The following NLRP13 variants were observed in gnomAD, a reference collection of about 807,000 sequenced individuals.
NLRP13 encodes NACHT, LRR and PYD domains-containing protein 13.
Under a neutral mutation model 94.4 loss-of-function variants are expected in NLRP13, and 82 were observed. The observed-to-expected ratio is 0.87, with a 90% CI of 0.73 to 1.04. The LOEUF (loss-of-function observed/expected upper bound fraction) is 1.04, where lower values mean the gene tolerates loss of function less well. Ranked by LOEUF, NLRP13 falls within the 50% of genes least tolerant of loss-of-function variation. NLRP13 has a pLI of 0.00. For missense variants in NLRP13, 1,426 were observed against 1,230.8 expected (o/e 1.16, Z -2.37); for synonymous variants, 553 against 464.7 (o/e 1.19, Z -2.45).
chr19:55,923,487 C>T (rs1211112548), intron 4 of NLRP13, among the ~76,000 whole-genome samples: 12 of 152,132 alleles, frequency 7.9e-5, no homozygotes, highest in South Asian at 4.1e-4. Flanking sequence ...TCATCACCCA[C>T]GCGCAGGAGT....
intron 1 of NLRP13, among the ~76,000 whole-genome samples, chr19:55,930,102 C>G (rs531554612): frequency 8.0e-4 from 121 of 152,186 alleles, no homozygotes; most frequent in Non-Finnish European, 1.3e-3. Context: ...CTCCGCATGC[C>G]CCGTGTCCAG....
At chr19:55,893,289 G>A (rs1221353235), downstream of NLRP13, among the ~76,000 whole-genome samples, 1 of 152,104 alleles carries the variant, frequency 6.6e-6, no homozygotes, top group Non-Finnish European at 1.5e-5. Flanking sequence ...TCGGGAGGCT[G>A]AGGCAAGAGA....
At chr19:55,895,898 C>A, downstream of NLRP13, 1 of 1,586,700 alleles carries the variant, frequency 6.3e-7, no homozygotes. Context: ...CCTAGTCAAT[C>A]TAGCCTTGTC....
Position 55,898,827 on chromosome 19 carries a change from TC to T in NLRP13, c.2899del (p.Asp967MetfsTer3). 6.2e-7 allele frequency: 1 copy of T among 1,614,000 alleles called. No homozygotes were observed. Among genetic ancestry groups the T allele is most frequent in the Non-Finnish European group, 8.5e-7 (1 of 1,179,936 alleles). On this transcript the variant is annotated frameshift_variant, in exon 10 of 11. Transcript: ENST00000342929. LOFTEE classifies it high-confidence loss of function. ...LDLGENDLQDDGVKLLCEALK... is the reference protein window; with the variant it reads ...LDLGENDLQDXGVKLLCEALK... ...AGCCTCACACAGTAGCTTCACTCCA[TC>T]ATCCTGAAGATCATTTTCTCCCAAA...
At position 55,932,225 on chromosome 19, in the gene NLRP13, C is replaced by T; in HGVS notation, c.87G>A (p.Leu29=). 1 of 1,613,738 alleles carries T rather than the reference C, an allele frequency of 6.2e-7. No individual in the cohort carries two copies. Reference sequence around the variant, plus strand: ...GTTCCAAGCAAAGCTTGAATTCCTCCAGCTGATACTGATCCAGGGCCATCA... The same window carrying T: ...GTTCCAAGCAAAGCTTGAATTCCTCTAGCTGATACTGATCCAGGGCCATCA... ...PYLMALDQYQ[L]EEFKLCLEPQ... is the part of the protein sequence containing the mutation. The change falls in exon 1 of 11, where the codon CTG becomes CTA. Residue 29 remains leucine (L), a synonymous_variant. Coordinates refer to ENST00000342929, the MANE Select transcript of NLRP13 (RefSeq NM_176810.2).
At chr19:55,906,836 G>A (rs1986368224) in intron 7 of NLRP13, among the ~76,000 whole-genome samples, 2 of 152,148 alleles carry the variant, frequency 1.3e-5, no homozygotes, top group South Asian at 2.1e-4. Context: ...GCATGTCAAC[G>A]CTACTCAAAG....
downstream of NLRP13, chr19:55,891,953 T>G (rs1985861347): frequency 2.2e-6 from 1 of 455,620 alleles, no homozygotes; most frequent in Non-Finnish European, 3.6e-6. Context: ...TCCTGGTGGC[T>G]TTCCCCCAAG....
chr19:55,929,352 A>G (rs897006340), intron 1 of NLRP13, among the ~76,000 whole-genome samples: 8 of 152,238 alleles, frequency 5.3e-5, no homozygotes, highest in African/African-American at 1.9e-4. Context: ...ACTGTTCACA[A>G]TAGCAAAGAC....
intron 3 of NLRP13, 96 bp from the exon 4 acceptor site, chr19:55,924,075 CA>C: frequency 1.1e-6 from 1 of 920,874 alleles, no homozygotes; most frequent in Admixed American, 1.8e-5. Context: ...CTTTCTATGG[CA>C]AACTTGAGAG....
rs1180900020 is a variant in NLRP13, at chr19:55,902,190, C to T, written c.2634G>A (p.Gln878=). 6.2e-7 allele frequency: 1 copy of T among 1,613,836 alleles called. No individual in the cohort carries two copies. Among genetic ancestry groups the T allele is most frequent in the Admixed American group, 1.7e-5 (1 of 60,014 alleles). Residue 878 remains glutamine (Q), a synonymous_variant, in exon 9 of 11, where the codon CAG becomes CAA. Coordinates refer to ENST00000342929, the MANE Select transcript of NLRP13 (RefSeq NM_176810.2). ...AGTGCTTGCAAGCGGGTGCTGCCAG[C>T]TGGCAAAACCAGAGCCTGCAGGGTG... is the stretch of plus-strand genomic sequence containing the variant. The part of the protein sequence containing the change: ...ALERLELWFC[Q]LAAPACKHLS...
intron 1 of NLRP13, among the ~76,000 whole-genome samples, chr19:55,930,901 A>ATT (rs55976723): frequency 1.0e-4 from 10 of 98,286 alleles, no homozygotes; most frequent in African/African-American, 5.8e-4. Context: ...TATATATAAA[A>ATT]TTTTAACCAG....
chr19:55,922,351 T>A (rs1386955413), intron 4 of NLRP13, among the ~76,000 whole-genome samples: 1 of 152,142 alleles, frequency 6.6e-6, no homozygotes, highest in Non-Finnish European at 1.5e-5. Flanking sequence ...TTTTTTCAGA[T>A]GGAGTCTTGC....
intron 1 of NLRP13, among the ~76,000 whole-genome samples, chr19:55,929,774 A>T (rs973945817): frequency 1.3e-5 from 2 of 152,216 alleles, no homozygotes; most frequent in Non-Finnish European, 2.9e-5. Flanking sequence ...GAAGTATAAT[A>T]AAAAAATGAA....
downstream of NLRP13, chr19:55,891,848 G>A (rs554554153): frequency 1.6e-5 from 6 of 381,836 alleles, no homozygotes; most frequent in African/African-American, 8.3e-5. Context: ...GGCGTGCAAT[G>A]GGCGGCCTCC....
At chr19:55,904,348 A>C (rs113640619) in intron 8 of NLRP13, among the ~76,000 whole-genome samples, 6,863 of 152,152 alleles carry the variant, frequency 0.045, 380 homozygotes, top group East Asian at 0.27. Flanking sequence ...TCAGCCTCCC[A>C]AAGTGCTGGG....
chr19:55,924,043 A>T (rs1986908820), intron 3 of NLRP13, 64 bp from the exon 4 acceptor site: 1 of 1,302,244 alleles, frequency 7.7e-7, no homozygotes, highest in Admixed American at 1.7e-5. Context: ...CACAATGATA[A>T]AGACTCTCAG....
In NLRP13 at chr19:55,904,995, T is replaced by G; in HGVS notation, c.2565A>C (p.Ile855=). The change falls in exon 8 of 11, where the codon ATA becomes ATC. Residue 855 remains isoleucine, a synonymous_variant. Coordinates refer to ENST00000342929, the MANE Select transcript of NLRP13 (RefSeq NM_176810.2). ...GAGTCAGGGCCGCACACAATAGCTTTATGCCATCATCTTGGAGCCGATTAA... is the reference window on the plus strand; with the variant it reads ...GAGTCAGGGCCGCACACAATAGCTTGATGCCATCATCTTGGAGCCGATTAA... ...LGFNRLQDDG[I]KLLCAALTHP... is the part of the protein sequence containing the mutation. The G allele has an allele frequency of 6.2e-7, 1 of 1,613,996 alleles. No individual in the cohort carries two copies. The highest frequency in any genetic ancestry group is 1.6e-4 in the Middle Eastern group (1 of 6,062).
chr19:55,918,607 A>T (rs1051250038), intron 4 of NLRP13, among the ~76,000 whole-genome samples: 2 of 152,144 alleles, frequency 1.3e-5, no homozygotes, highest in African/African-American at 4.8e-5. Context: ...CTATACTCAC[A>T]AACTAAAAAC....
downstream of NLRP13, among the ~76,000 whole-genome samples, chr19:55,892,442 G>A (rs142180612): frequency 8.6e-3 from 1,316 of 152,148 alleles, 19 homozygotes; most frequent in African/African-American, 0.03. Flanking sequence ...TATTGTTTGA[G>A]ACGCAGTGTC....
Sources: allele counts gnomAD v4.1 joint callset (sites outside exome capture counted in the v4.1 genomes callset), GRCh38; gene constraint gnomAD v4.1.1; transcripts MANE v1.5; gene names NCBI Gene and HGNC (gene_info 2026-07-23, HGNC 2026-07-21).